CARS1: variants seen among roughly 807,000 people sequenced by gnomAD.
CARS1 encodes cysteinyl-tRNA synthetase 1, also known as cysteine--tRNA ligase, cytoplasmic.
CARS1 carries 48 observed loss-of-function variants against 106.2 expected under a neutral mutation model. That is an observed-to-expected ratio of 0.45 (90% CI 0.36 to 0.57). CARS1 has a LOEUF of 0.57. CARS1 is among the 20% of genes least tolerant of loss of function. The pLI is 0.00. For missense variants in CARS1, 968 were observed against 1,057.2 expected (o/e 0.92, Z 1.17); for synonymous variants, 409 against 403.4 (o/e 1.01, Z -0.17).
At chr11:3,056,981 G>A (rs1856272777) in intron 1 of CARS1, among the ~76,000 whole-genome samples, 1 of 152,192 alleles carries the variant, frequency 6.6e-6, no homozygotes, top group Admixed American at 6.5e-5. Context: ...CCCTCACGCA[G>A]GAGTCCCAGG....
intron 18 of CARS1, chr11:3,007,243 A>G: frequency 2.1e-6 from 1 of 482,492 alleles, no homozygotes; most frequent in Non-Finnish European, 3.7e-6. Context: ...GAAGCATAGC[A>G]CACTGGCCGC....
intron 14 of CARS1, 62 bp from the exon 15 acceptor site, chr11:3,018,016 T>TA (rs1404437465): frequency 4.1e-6 from 4 of 980,396 alleles, no homozygotes; most frequent in Non-Finnish European, 6.5e-6. Context: ...AAATATCTGT[T>TA]ACAACTTTCT....
At position 3,001,164 on chromosome 11, in the gene CARS1, T is replaced by G. The variant is rs1027026443; in HGVS notation, c.2446A>C (p.Lys816Gln). 6.2e-7 allele frequency: 1 copy of G among 1,614,096 alleles called. No individual in the cohort carries two copies. The highest frequency in any genetic ancestry group is 8.5e-7 in the Non-Finnish European group (1 of 1,180,022). ...KLKKLFEAQE[K>Q]LYKEYLQMAQ... ...ATCTGCAGATATTCCTTGTAGAGCT[T>G]CTCCTGAGCCTCGAAGAGCTTCTTC... The change falls in exon 23 of 23, where the codon AAG becomes CAG. Residue 816 changes from lysine to glutamine, a missense_variant. Coordinates refer to ENST00000380525, the MANE Select transcript of CARS1 (RefSeq NM_001014437.3).
Position 3,052,608 on chromosome 11 carries a change from A to T in CARS1, c.26-4607T>A, listed in dbSNP as rs2290000. The stretch of plus-strand genomic sequence containing the variant: ...GACGGCTCATCAAAAGGGAACCAAG[A>T]CCATGCTTGGGAAGGATCTTCTCAG... On this transcript the variant is annotated intron_variant, in intron 1 of 22. Coordinates refer to ENST00000380525, the MANE Select transcript of CARS1 (RefSeq NM_001014437.3). This position sits in a 1 kb window ranked among gnomAD's most constrained non-coding sequence, Gnocchi z 4.6. Among the ~76,000 whole-genome samples, 141,136 of 152,274 alleles carry T rather than the reference A, an allele frequency of 0.93. 65,468 individuals carry two copies. The highest frequency in any genetic ancestry group is 0.96 in the African/African-American group (39,690 of 41,550).
rs1230423534 is a variant in CARS1, at chr11:3,005,269, G to GTA, written c.2217+95_2217+96dup. 3.5e-6 allele frequency: 3 copies of GTA among 868,274 alleles called. No individual in the cohort carries two copies. In the African/African-American group the frequency reaches 5.1e-5, roughly 15 times the overall value. The allele number at this position is 868,274 out of a possible 1,614,324, so 53.8% of individuals were successfully genotyped here. A position where few individuals can be genotyped will look rare whatever the true frequency, so the allele number is the denominator to read the frequency against. ...TAAATACTGGGATTTTAATAAAAGTGTAAACATCAATGCTTAAAAAGTAAA... is the reference window on the plus strand; with the variant it reads ...TAAATACTGGGATTTTAATAAAAGTGTATAAACATCAATGCTTAAAAAGTAAA... On this transcript the variant is annotated intron_variant, in intron 20 of 22. Coordinates refer to ENST00000380525, the MANE Select transcript of CARS1 (RefSeq NM_001014437.3).
rs1407054593 is a variant in CARS1 at position 3,006,885 on chromosome 11, G to C, written c.2143C>G (p.His715Asp). 3.7e-6 allele frequency: 6 copies of C among 1,613,550 alleles called. No homozygotes were observed. The highest frequency in any genetic ancestry group is 5.1e-6 in the Non-Finnish European group (6 of 1,179,516). ...ACAGCAAGGGCTCACCCACCTTCGT[G>C]GTCTTCAAACCGCACCCCAAGCTCG... ...LPELGVRFED[H>D]EGLPTVVKLV... The change falls in exon 19 of 23, where the codon CAC (histidine) becomes GAC (aspartate). Residue 715 changes from histidine to aspartate, a missense_variant. Transcript: ENST00000380525.
In CARS1 at chr11:3,047,856, C is replaced by A; in HGVS notation, c.171G>T (p.Pro57=). 1 of 1,614,064 alleles carries A rather than the reference C, an allele frequency of 6.2e-7. No homozygotes were observed. Among genetic ancestry groups the A allele is most frequent in the Non-Finnish European group, 8.5e-7 (1 of 1,180,032 alleles). ...CGTGGAAGAGCTGGGGGTCAGCGGG[C>A]GGGGCCGAGAGCTGCCTGAACGCGT... is the stretch of plus-strand genomic sequence containing the variant. ...DVDAFRQLSA[P]PADPQLFHVA... Residue 57 remains proline, a synonymous_variant, in exon 2 of 23, where the codon CCG becomes CCT. Transcript: ENST00000380525.
In CARS1 at chr11:3,002,020, T is replaced by TG. The variant is rs753057519; in HGVS notation, c.2310dup (p.Ser771GlnfsTer2). 20 of 1,613,742 alleles carry TG rather than the reference T, an allele frequency of 1.2e-5. No homozygotes were observed. The highest frequency in any genetic ancestry group is 1.7e-5 in the Non-Finnish European group (20 of 1,179,872). On this transcript the variant is annotated frameshift_variant, in exon 22 of 23. Transcript: ENST00000380525. LOFTEE classifies it high-confidence loss of function. ...TCGGTTTCTGACAAGAACATCTCAC[T>TG]GGGGGGAATCTTCATCTTGGCCAGC...
rs1026874735 is a variant in CARS1 at position 3,046,336 on chromosome 11, C to G, written c.274+1417G>C. Among the ~76,000 whole-genome samples, 1 of 152,200 alleles carries G rather than the reference C, an allele frequency of 6.6e-6. No individual in the cohort carries two copies. Among genetic ancestry groups the G allele is most frequent in the African/African-American group, 2.4e-5 (1 of 41,448 alleles). On this transcript the variant is annotated intron_variant, in intron 2 of 22. Coordinates refer to ENST00000380525, the MANE Select transcript of CARS1 (RefSeq NM_001014437.3). The surrounding 1 kb of genome is among the most constrained non-coding windows in gnomAD (Gnocchi z 5.8). ...GCTTCACCCTCCCTAATCCTGCCCC[C>G]CTCTGGCTGTGTCTTGGAATGGCAC...
rs1854102847 is a variant in CARS1, at chr11:3,039,292, T to C, written c.553A>G (p.Ile185Val). 1 of 1,599,394 alleles carries C rather than the reference T, an allele frequency of 6.3e-7. No homozygotes were observed. Residue 185 changes from isoleucine (I) to valine (V), a missense_variant and splice_region_variant, in exon 6 of 23, where the codon ATC (isoleucine) becomes GTC (valine). By Grantham distance (29) the Ile-to-Val change is conservative (BLOSUM62 3). Transcript: ENST00000380525. The surrounding 1 kb of genome is among the most constrained non-coding windows in gnomAD (Gnocchi z 5.6). Reference sequence around the variant, plus strand: ...TGGTTCTGCCGGGCCCTCTTGATGATCTGGGGAGGGAAGGCAGACATTGGG... The same window carrying C: ...TGGTTCTGCCGGGCCCTCTTGATGACCTGGGGAGGGAAGGCAGACATTGGG... ...CMNITDIDDK[I>V]IKRARQNHLF...
rs995254886 is a variant in CARS1, at chr11:3,040,416, A to G, written c.455+480T>C. 2 of 412,776 alleles carry G rather than the reference A, an allele frequency of 4.8e-6. No homozygotes were observed. Among genetic ancestry groups the G allele is most frequent in the Non-Finnish European group, 9.6e-6 (2 of 208,858 alleles). 25.6% of individuals were successfully genotyped at this position (412,776 alleles called of 1,614,324 possible). On this transcript the variant is annotated intron_variant, in intron 4 of 22. Transcript: ENST00000380525. The surrounding 1 kb of genome is among the most constrained non-coding windows in gnomAD (Gnocchi z 5.8). ...ATGACCTTGGCACTGCAACTAAAACATGAACACATAAAAGGACTCTGTGGC... is the reference window on the plus strand; with the variant it reads ...ATGACCTTGGCACTGCAACTAAAACGTGAACACATAAAAGGACTCTGTGGC...
Position 3,037,963 on chromosome 11 carries a change from T to C in CARS1, c.801+87A>G. 1 of 1,331,296 alleles carries C rather than the reference T, an allele frequency of 7.5e-7. No homozygotes were observed. Among genetic ancestry groups the C allele is most frequent in the Non-Finnish European group, 1.0e-6 (1 of 961,998 alleles). 82.5% of individuals were successfully genotyped at this position (1,331,296 alleles called of 1,614,324 possible). A position where few individuals can be genotyped will look rare whatever the true frequency, so the allele number is the denominator to read the frequency against. ...GAGTGTCTTCCACTAAGACAATCTG[T>C]GGAATCAATCCGTGCACACAGATCA... On this transcript the variant is annotated intron_variant, in intron 7 of 22. Coordinates refer to ENST00000380525, the MANE Select transcript of CARS1 (RefSeq NM_001014437.3). This position sits in a 1 kb window ranked among gnomAD's most constrained non-coding sequence, Gnocchi z 5.9.
At position 3,003,793 on chromosome 11, in the gene CARS1, G is replaced by A. The variant is rs1849611907; in HGVS notation, c.2218-1193C>T. 6.6e-6 allele frequency among the ~76,000 whole-genome samples: 1 copy of A among 152,196 alleles called. No individual in the cohort carries two copies. The highest frequency in any genetic ancestry group is 2.4e-5 in the African/African-American group (1 of 41,448). ...AGTTAGTATGTGTTTATGTGCTGGT[G>A]GGAATGGTACAGGGAGAGGCAGGAC... is the stretch of plus-strand genomic sequence containing the variant. On this transcript the variant is annotated intron_variant, in intron 20 of 22. Coordinates refer to ENST00000380525, the MANE Select transcript of CARS1 (RefSeq NM_001014437.3). This position sits in a 1 kb window ranked among gnomAD's most constrained non-coding sequence, Gnocchi z 4.8.
intron 7 of CARS1, among the ~76,000 whole-genome samples, chr11:3,033,271 G>A (rs1005553792): frequency 4.6e-5 from 7 of 152,020 alleles, no homozygotes; most frequent in Non-Finnish European, 7.4e-5. Flanking sequence ...GGGATTAGAC[G>A]GAATCTTCTC....
In CARS1 at chr11:3,020,325, C is replaced by A. The variant is rs1266204654; in HGVS notation, c.1161G>T (p.Leu387=). The A allele has an allele frequency of 6.2e-7, 1 of 1,610,848 alleles. No homozygotes were observed. ...QKALQEGEGD[L]SISADRLSEK... is the part of the protein sequence containing the mutation. Reference sequence around the variant, plus strand: ...CACTCAGGCGGTCTGCAGAGATGCTCAGGTCACCTGCAAACACGAGGGACG... The same window carrying A: ...CACTCAGGCGGTCTGCAGAGATGCTAAGGTCACCTGCAAACACGAGGGACG... Residue 387 remains leucine, a synonymous_variant, in exon 11 of 23, where the codon CTG becomes CTT. Transcript: ENST00000380525. The surrounding 1 kb of genome is among the most constrained non-coding windows in gnomAD (Gnocchi z 4.6).
At chr11:3,005,925 C>T (rs1351368767) in intron 19 of CARS1, among the ~76,000 whole-genome samples, 2 of 151,892 alleles carry the variant, frequency 1.3e-5, no homozygotes, top group Admixed American at 6.6e-5. Flanking sequence ...CATTTTGTAA[C>T]GAGAAGGTAG....
In CARS1 at chr11:3,039,250, G is replaced by C. The variant is rs555551728; in HGVS notation, c.595C>G (p.Arg199Gly). 2 of 1,613,854 alleles carry C rather than the reference G, an allele frequency of 1.2e-6. No individual in the cohort carries two copies. Among genetic ancestry groups the C allele is most frequent in the Non-Finnish European group, 1.7e-6 (2 of 1,179,814 alleles). The stretch of plus-strand genomic sequence containing the variant: ...TGTGCCGCTTCAGGCCTCTTCTCCC[G>C]ATACTGCTCGAACAGGTGGTTCTGC... ...ARQNHLFEQY[R>G]EKRPEAAQLL... is the part of the protein sequence containing the mutation. Residue 199 changes from arginine (R) to glycine (G), a missense_variant, in exon 6 of 23, where the codon CGG becomes GGG. By Grantham distance (125) the Arg-to-Gly change is moderately radical. Transcript: ENST00000380525. The surrounding 1 kb of genome is among the most constrained non-coding windows in gnomAD (Gnocchi z 5.6).
Position 3,026,180 on chromosome 11 carries a change from C to G in CARS1, c.1153+496G>C, listed in dbSNP as rs138258118. Among the ~76,000 whole-genome samples the G allele has an allele frequency of 6.5e-3, 984 of 152,214 alleles. 10 individuals carry two copies. The highest frequency in any genetic ancestry group is 0.022 in the African/African-American group (927 of 41,500). On this transcript the variant is annotated intron_variant, in intron 10 of 22. Transcript: ENST00000380525. Reference sequence around the variant, plus strand: ...AGGTGCAGCATAGAACAGTGGTCACCAGAAGCTGAGAAGAGTCAGGTCAGG... The same window carrying G: ...AGGTGCAGCATAGAACAGTGGTCACGAGAAGCTGAGAAGAGTCAGGTCAGG...
rs1238195542 is a variant in CARS1 at position 3,034,931 on chromosome 11, T to A, written c.801+3119A>T. Among the ~76,000 whole-genome samples the A allele has an allele frequency of 6.6e-6, 1 of 152,198 alleles. No individual in the cohort carries two copies. The highest frequency in any genetic ancestry group is 1.5e-5 in the Non-Finnish European group (1 of 68,026). ...CCACATCTGTTCTGGGCCTTCTTGC[T>A]GGTGGGGACTTTTCCCAGAGTCCCA... On this transcript the variant is annotated intron_variant, in intron 7 of 22. Transcript: ENST00000380525. This position sits in a 1 kb window ranked among gnomAD's most constrained non-coding sequence, Gnocchi z 6.3.
Sources: gnomAD v4.1 joint callset for allele counts (sites outside exome capture counted in the v4.1 genomes callset) on GRCh38, gnomAD v4.1.1 for gene constraint, Gnocchi (gnomAD v3.1) non-coding constraint, MANE v1.5 for transcripts, NCBI Gene and HGNC (gene_info 2026-07-23, HGNC 2026-07-21) for gene names.